Variants in OTULINL observed in about 807,000 individuals in gnomAD.
OTULINL encodes the protein inactive ubiquitin thioesterase OTULINL.
Under a neutral mutation model 43.9 loss-of-function variants are expected in OTULINL, and 42 were observed. The observed-to-expected ratio is 0.96, with a 90% CI of 0.75 to 1.24. OTULINL has a LOEUF of 1.24. OTULINL is among the 50% of genes most tolerant of loss of function. OTULINL has a pLI of 0.00. For synonymous variants in OTULINL, 172 were observed against 153.6 expected (o/e 1.12, Z -0.88); for missense variants, 411 against 426.4 (o/e 0.96, Z 0.32).
At chr5:14,582,445 A>G (rs1759023714) in intron 1 of OTULINL, among the ~76,000 whole-genome samples, 1 of 151,780 alleles carries the variant, frequency 6.6e-6, no homozygotes, top group Admixed American at 6.6e-5. Flanking sequence ...TGTGGCGCAC[A>G]CCTTCGCGGC....
In OTULINL at chr5:14,588,384, A is replaced by G. The variant is rs754597010; in HGVS notation, c.64+6426A>G. 1.1e-3 allele frequency among the ~76,000 whole-genome samples: 163 copies of G among 152,096 alleles called. 2 individuals are homozygous for G. Among genetic ancestry groups the G allele is most frequent in the Non-Finnish European group, 9.3e-4 (63 of 68,008 alleles). On this transcript the variant is annotated intron_variant, in intron 1 of 7. Coordinates refer to ENST00000274217, the MANE Select transcript of OTULINL (RefSeq NM_019018.3). Reference sequence around the variant, plus strand: ...CGGACCCTGAGTTCCTGACTCCCTCAGTTCCCTCCTCATTTCACTACCTTG... The same window carrying G: ...CGGACCCTGAGTTCCTGACTCCCTCGGTTCCCTCCTCATTTCACTACCTTG...
At chr5:14,588,350 G>C (rs115385719) in intron 1 of OTULINL, among the ~76,000 whole-genome samples, 302 of 152,220 alleles carry the variant, frequency 2.0e-3, no homozygotes, top group African/African-American at 6.6e-3. Context: ...TGGCTCAGCT[G>C]TCTAGGACCG....
intron 1 of OTULINL, among the ~76,000 whole-genome samples, chr5:14,587,047 A>G (rs1308897142): frequency 6.6e-6 from 1 of 152,154 alleles, no homozygotes; most frequent in African/African-American, 2.4e-5. Flanking sequence ...CGGAGCGTGT[A>G]CTTTGAACAG....
intron 1 of OTULINL, among the ~76,000 whole-genome samples, chr5:14,599,683 A>ATG (rs1560964356): frequency 1.3e-5 from 2 of 152,218 alleles, no homozygotes; most frequent in East Asian, 3.8e-4. Flanking sequence ...TTATTTTGCA[A>ATG]TGAACCCCAG....
Position 14,612,865 on chromosome 5 carries a change from A to G in OTULINL, c.*2551A>G, listed in dbSNP as rs1006225289. 5 of 152,184 alleles carry G rather than the reference A, an allele frequency of 3.3e-5. No homozygotes were observed. The highest frequency in any genetic ancestry group is 4.1e-4 in the South Asian group (2 of 4,824). The allele number at this position is 152,184 out of a possible 1,614,324, so 9.4% of individuals were successfully genotyped here. ...GTCCATACTGAGGGGTTGTATGCAT[A>G]TTAGTACAAGGCTGACTTTTACTGT... On this transcript the variant is annotated 3_prime_UTR_variant, in exon 8 of 8. Transcript: ENST00000274217.
At chr5:14,598,650 G>A (rs1157364766) in intron 1 of OTULINL, among the ~76,000 whole-genome samples, 1 of 152,216 alleles carries the variant, frequency 6.6e-6, no homozygotes, top group East Asian at 1.9e-4. Flanking sequence ...GTTTGAGGTT[G>A]CAGTGAGCTG....
chr5:14,604,654 G>A (rs1341751947), intron 5 of OTULINL, among the ~76,000 whole-genome samples: 1 of 152,186 alleles, frequency 6.6e-6, no homozygotes, highest in Non-Finnish European at 1.5e-5. Flanking sequence ...GGGGATACTG[G>A]GTAAATACAG....
At chr5:14,603,640 A>G (rs753881829) in intron 5 of OTULINL, among the ~76,000 whole-genome samples, 1 of 152,040 alleles carries the variant, frequency 6.6e-6, no homozygotes, top group Non-Finnish European at 1.5e-5. Flanking sequence ...AGAAATGGCT[A>G]TTCAAATCTT....
At chr5:14,589,415 G>A (rs1759160061) in intron 1 of OTULINL, among the ~76,000 whole-genome samples, 1 of 152,150 alleles carries the variant, frequency 6.6e-6, no homozygotes, top group Admixed American at 6.5e-5. Context: ...GCTCTAGGAG[G>A]AAGTGAAGGC....
At chr5:14,608,676 C>A in intron 6 of OTULINL, 72 bp from the exon 7 acceptor site, 2 of 1,165,648 alleles carry the variant, frequency 1.7e-6, no homozygotes, top group Non-Finnish European at 2.4e-6. Flanking sequence ...TTTATAAATA[C>A]ATTAAAAGTT....
At chr5:14,597,348 C>G (rs940963835) in intron 1 of OTULINL, among the ~76,000 whole-genome samples, 1 of 152,122 alleles carries the variant, frequency 6.6e-6, no homozygotes, top group African/African-American at 2.4e-5. Flanking sequence ...CCAGGCTCTA[C>G]TATGTGCTGT....
rs1179988009 is a variant in OTULINL, at chr5:14,612,143, A to T, written c.*1829A>T. The T allele has an allele frequency of 6.6e-6, 1 of 152,228 alleles. No individual in the cohort carries two copies. The highest frequency in any genetic ancestry group is 1.9e-4 in the East Asian group (1 of 5,204). 9.4% of individuals were successfully genotyped at this position (152,228 alleles called of 1,614,324 possible). A position where few individuals can be genotyped will look rare whatever the true frequency, so the allele number is the denominator to read the frequency against. Reference sequence around the variant, plus strand: ...GTCATTTAACTGACAGTGTTAGAAGATATCCCCCTGATGTGTTACTGTAAC... The same window carrying T: ...GTCATTTAACTGACAGTGTTAGAAGTTATCCCCCTGATGTGTTACTGTAAC... On this transcript the variant is annotated 3_prime_UTR_variant, in exon 8 of 8. Transcript: ENST00000274217.
At chr5:14,594,123 T>TC (rs1252775986) in intron 1 of OTULINL, among the ~76,000 whole-genome samples, 1 of 152,118 alleles carries the variant, frequency 6.6e-6, no homozygotes, top group Non-Finnish European at 1.5e-5. Flanking sequence ...TCTGAATATC[T>TC]CCCCCGTAAC....
chr5:14,585,901 A>G (rs1018684905), intron 1 of OTULINL, among the ~76,000 whole-genome samples: 1 of 152,200 alleles, frequency 6.6e-6, no homozygotes, highest in Non-Finnish European at 1.5e-5. Flanking sequence ...ACCTTATTAC[A>G]TTTAAGCTGT....
chr5:14,583,066 A>G (rs1759043046), intron 1 of OTULINL, among the ~76,000 whole-genome samples: 1 of 152,206 alleles, frequency 6.6e-6, no homozygotes, highest in Non-Finnish European at 1.5e-5. Context: ...TTTGGGCTGC[A>G]GGAACTGCAG....
rs575617938 is a variant in OTULINL, at chr5:14,601,795, T to G, written c.348+353T>G. Among the ~76,000 whole-genome samples, 3 of 152,356 alleles carry G rather than the reference T, an allele frequency of 2.0e-5. No homozygotes were observed. The East Asian group carries it at 5.8e-4, about 29-fold the overall frequency. On this transcript the variant is annotated intron_variant, in intron 4 of 7. Coordinates refer to ENST00000274217, the MANE Select transcript of OTULINL (RefSeq NM_019018.3). ...CTGATGTAAAATATTTTGAGGATTTTTAGAATTTTTATTGGACCAATCTTG... is the reference window on the plus strand; with the variant it reads ...CTGATGTAAAATATTTTGAGGATTTGTAGAATTTTTATTGGACCAATCTTG...
At chr5:14,602,524 C>G (rs117313832) in intron 5 of OTULINL, among the ~76,000 whole-genome samples, 192 bp downstream of exon 5, 6 of 152,172 alleles carry the variant, frequency 3.9e-5, no homozygotes, top group Admixed American at 1.3e-4. Flanking sequence ...CAGCCTTGAC[C>G]TTCTGGGCTC....
intron 1 of OTULINL, among the ~76,000 whole-genome samples, chr5:14,584,426 TTTTG>T (rs1272398469): frequency 6.6e-6 from 1 of 152,242 alleles, no homozygotes; most frequent in Non-Finnish European, 1.5e-5. Flanking sequence ...GCTCTGCTTT[TTTTG>T]TTTCTGTATA....
chr5:14,607,242 GAT>G (rs1759498472), intron 5 of OTULINL, 86 bp from the exon 6 acceptor site: 2 of 1,324,660 alleles, frequency 1.5e-6, no homozygotes, highest in Non-Finnish European at 2.1e-6. Context: ...AAAAAAAAAA[GAT>G]AAGGTTGTGT....
Sources: allele counts gnomAD v4.1 joint callset (sites outside exome capture counted in the v4.1 genomes callset), GRCh38; gene constraint gnomAD v4.1.1; transcripts MANE v1.5; gene names NCBI Gene and HGNC (gene_info 2026-07-23, HGNC 2026-07-21).